Variants in APOBEC2 observed in about 807,000 individuals in gnomAD.
APOBEC2 encodes apolipoprotein B mRNA editing enzyme catalytic subunit 2.
A neutral mutation model predicts 19.4 loss-of-function variants in APOBEC2; 14 were observed. The observed-to-expected ratio is 0.72, with a 90% confidence interval of 0.48 to 1.13. APOBEC2 has a LOEUF of 1.13. APOBEC2 is among the 50% of genes most tolerant of loss of function. The pLI is 0.00. For missense variants in APOBEC2, 304 were observed against 277.0 expected (o/e 1.10, Z -0.69); for synonymous variants, 127 against 112.1 (o/e 1.13, Z -0.84).
At chr6:41,060,948 T>C (rs1762861793) in intron 1 of APOBEC2, among the ~76,000 whole-genome samples, 1 of 152,228 alleles carries the variant, frequency 6.6e-6, no homozygotes, top group Non-Finnish European at 1.5e-5. Flanking sequence ...ATTTAATTGG[T>C]TTGGCATGAG....
chr6:41,060,780 A>G (rs1212679202), intron 1 of APOBEC2, among the ~76,000 whole-genome samples: 1 of 152,264 alleles, frequency 6.6e-6, no homozygotes, highest in Non-Finnish European at 1.5e-5. Flanking sequence ...TACATGAGTT[A>G]CAAGGAAGAG....
chr6:41,064,497 A>G lies in APOBEC2; in HGVS notation c.*418A>G, dbSNP rs1184143069. ...AAAAAAGAAAAACAGCAACATTAAT[A>G]AAAGAAGTGGTGTGTTTTTCCCGTG... On this transcript the variant is annotated 3_prime_UTR_variant, in exon 3 of 3. Coordinates refer to ENST00000244669, the MANE Select transcript of APOBEC2 (RefSeq NM_006789.4). 6.6e-6 allele frequency: 1 copy of G among 152,240 alleles called. No homozygotes were observed. The highest frequency in any genetic ancestry group is 1.5e-5 in the Non-Finnish European group (1 of 68,048). The allele number at this position is 152,240 out of a possible 1,614,324, so 9.4% of individuals were successfully genotyped here. A position where few individuals can be genotyped will look rare whatever the true frequency, so the allele number is the denominator to read the frequency against.
At chr6:41,060,622 G>A (rs1762858314) in intron 1 of APOBEC2, among the ~76,000 whole-genome samples, 1 of 152,200 alleles carries the variant, frequency 6.6e-6, no homozygotes, top group Non-Finnish European at 1.5e-5. Flanking sequence ...AGATACCCTT[G>A]AGTAGTCTGT....
chr6:41,054,730 A>C (rs1762773354), intron 1 of APOBEC2, among the ~76,000 whole-genome samples: 1 of 152,220 alleles, frequency 6.6e-6, no homozygotes, highest in Non-Finnish European at 1.5e-5. Flanking sequence ...ATATAGACAC[A>C]GGGAAAGCCT....
chr6:41,058,444 C>T (rs1388940566), intron 1 of APOBEC2, among the ~76,000 whole-genome samples: 1 of 151,992 alleles, frequency 6.6e-6, no homozygotes, highest in African/African-American at 2.4e-5. Context: ...CACACACACC[C>T]CCACCCCTTT....
intron 1 of APOBEC2, among the ~76,000 whole-genome samples, chr6:41,054,786 T>C (rs918447212): frequency 6.6e-6 from 1 of 152,216 alleles, no homozygotes; most frequent in Non-Finnish European, 1.5e-5. Context: ...GGCTTTCTTA[T>C]GGAAGGAGAG....
intron 1 of APOBEC2, 151 bp downstream of exon 1, chr6:41,053,629 A>AGGG: frequency 1.7e-6 from 2 of 1,199,400 alleles, no homozygotes; most frequent in South Asian, 3.5e-5. Context: ...CAGGGGTGGT[A>AGGG]GGGGACCCAG....
At chr6:41,058,286 C>CCACACA (rs142540209) in intron 1 of APOBEC2, among the ~76,000 whole-genome samples, 1 of 108,410 alleles carries the variant, frequency 9.2e-6, no homozygotes, top group African/African-American at 3.5e-5. Context: ...CACCACACAC[C>CCACACA]CACACACACA....
chr6:41,064,034 G>C (rs1305752887), intron 2 of APOBEC2, 67 bp from the exon 3 acceptor site: 1 of 152,610 alleles, frequency 6.6e-6, no homozygotes, highest in Middle Eastern at 3.4e-3. Context: ...AGTTCAAAAA[G>C]AAACTAGTCA....
intron 2 of APOBEC2, among the ~76,000 whole-genome samples, chr6:41,062,189 A>T (rs1399006271): frequency 6.6e-6 from 1 of 152,234 alleles, no homozygotes; most frequent in African/African-American, 2.4e-5. Flanking sequence ...TAAGATTTAG[A>T]TGGTGCAAGC....
chr6:41,061,291 T>C, intron 1 of APOBEC2, 37 bp from the exon 2 acceptor site: 3 of 1,505,652 alleles, frequency 2.0e-6, no homozygotes, highest in Non-Finnish European at 2.7e-6. Context: ...CAAGAACTTA[T>C]CATTCTTTCC....
At chr6:41,056,709 T>G (rs2114026504) in intron 1 of APOBEC2, among the ~76,000 whole-genome samples, 1 of 152,364 alleles carries the variant, frequency 6.6e-6, no homozygotes, top group East Asian at 1.9e-4. Context: ...TGCTTTATCT[T>G]TAGCACCTAG....
At chr6:41,053,855 C>G (rs956879313) in intron 1 of APOBEC2, among the ~76,000 whole-genome samples, 3 of 152,196 alleles carry the variant, frequency 2.0e-5, no homozygotes, top group Admixed American at 2.0e-4. Flanking sequence ...TGGCTCCGTT[C>G]AAAGCAACCC....
rs188839552 is a variant in APOBEC2, at chr6:41,060,392, T to C, written c.132-936T>C. ...TCAAGAACCTGTAACAATTCTCTAC[T>C]GCCTCCCGAATCAAGGCCAAACTTT... On this transcript the variant is annotated intron_variant, in intron 1 of 2. Coordinates refer to ENST00000244669, the MANE Select transcript of APOBEC2 (RefSeq NM_006789.4). Among the ~76,000 whole-genome samples, 589 of 152,364 alleles carry C rather than the reference T, an allele frequency of 3.9e-3. 11 individuals are homozygous for C. In the South Asian group the frequency reaches 0.061, roughly 16 times the overall value.
chr6:41,058,149 CCCCACACACA>C (rs1366948777), intron 1 of APOBEC2, among the ~76,000 whole-genome samples: 28 of 104,302 alleles, frequency 2.7e-4, no homozygotes, highest in Middle Eastern at 4.7e-3. Context: ...CACCACCCCA[CCCCACACACA>C]CACACACACA....
intron 1 of APOBEC2, among the ~76,000 whole-genome samples, chr6:41,061,009 G>A (rs989944734): frequency 3.9e-5 from 6 of 152,194 alleles, no homozygotes; most frequent in Admixed American, 6.5e-5. Flanking sequence ...GGTATAGGCA[G>A]GTTAAAGATT....
At chr6:41,063,534 CTTTTT>C (rs34638825) in intron 2 of APOBEC2, among the ~76,000 whole-genome samples, 2 of 85,364 alleles carry the variant, frequency 2.3e-5, no homozygotes, top group South Asian at 5.3e-4. Context: ...GTCCTTAGAG[CTTTTT>C]TTTTTTTTTT....
intron 2 of APOBEC2, among the ~76,000 whole-genome samples, chr6:41,063,534 CTTTTTT>C (rs34638825): frequency 9.4e-5 from 8 of 85,366 alleles, no homozygotes; most frequent in African/African-American, 2.5e-4. Context: ...GTCCTTAGAG[CTTTTTT>C]TTTTTTTTTT....
At chr6:41,055,441 G>A (rs888071669) in intron 1 of APOBEC2, among the ~76,000 whole-genome samples, 2 of 152,214 alleles carry the variant, frequency 1.3e-5, no homozygotes, top group African/African-American at 4.8e-5. Context: ...TAGCCCAGAG[G>A]TGCAGCTGGG....
Sources: allele counts gnomAD v4.1 joint callset (sites outside exome capture counted in the v4.1 genomes callset), GRCh38; gene constraint gnomAD v4.1.1; transcripts MANE v1.5; gene names NCBI Gene and HGNC (gene_info 2026-07-23, HGNC 2026-07-21).